TMEM132C: variants seen among roughly 807,000 people sequenced by gnomAD.
TMEM132C encodes the protein transmembrane protein 132C.
In TMEM132C, 29 loss-of-function variants were observed where a neutral mutation model predicts 61.4. The ratio of observed to expected loss-of-function variants is 0.47; its 90% CI spans 0.35 to 0.64. TMEM132C has a LOEUF of 0.64. Among genes scored for constraint, TMEM132C ranks in the 30% least tolerant of loss-of-function variants. The pLI is 0.00. For synonymous variants in TMEM132C, 656 were observed against 633.1 expected (o/e 1.04, Z -0.54); for missense variants, 1,408 against 1,476.9 (o/e 0.95, Z 0.76).
intron 1 of TMEM132C, among the ~76,000 whole-genome samples, chr12:128,322,164 G>A (rs968314073): frequency 2.0e-5 from 3 of 152,216 alleles, no homozygotes; most frequent in Non-Finnish European, 4.4e-5. Flanking sequence ...GCCTCCATCT[G>A]TCTCTCTTGG....
At chr12:128,385,354 TC>T (rs1874543843) in intron 1 of TMEM132C, among the ~76,000 whole-genome samples, 8 of 149,632 alleles carry the variant, frequency 5.3e-5, no homozygotes, top group African/African-American at 2.0e-4. Flanking sequence ...CGCCGAGTCC[TC>T]GCACAGAGCC....
intron 2 of TMEM132C, among the ~76,000 whole-genome samples, chr12:128,447,916 C>T (rs1462348897): frequency 3.1e-5 from 3 of 96,550 alleles, no homozygotes; most frequent in South Asian, 5.6e-4. Context: ...TTAGTAGAGA[C>T]GGGGTTTCAC....
At chr12:128,398,243 G>A (rs572011239) in intron 1 of TMEM132C, among the ~76,000 whole-genome samples, 1 of 152,236 alleles carries the variant, frequency 6.6e-6, no homozygotes, top group Non-Finnish European at 1.5e-5. Context: ...TTCTTTCCAC[G>A]ATGCTAGCTG....
At chr12:128,275,364 T>C (rs2135893557) in intron 1 of TMEM132C, among the ~76,000 whole-genome samples, 1 of 152,278 alleles carries the variant, frequency 6.6e-6, no homozygotes, top group Admixed American at 6.5e-5. Context: ...AATCCTATCA[T>C]GAACTGTGCA....
chr12:128,619,906 G>A (rs374247049), intron 4 of TMEM132C, among the ~76,000 whole-genome samples: 4 of 152,152 alleles, frequency 2.6e-5, no homozygotes, highest in South Asian at 4.1e-4. Flanking sequence ...TTCTGTATGC[G>A]AGTGGCTGGG....
intron 2 of TMEM132C, among the ~76,000 whole-genome samples, chr12:128,445,223 C>G (rs1207389883): frequency 3.3e-5 from 5 of 151,448 alleles, no homozygotes; most frequent in African/African-American, 4.8e-5. Flanking sequence ...AACTTTTTTC[C>G]CTCCAGATTG....
chr12:128,345,871 G>A (rs1593019273), intron 1 of TMEM132C, among the ~76,000 whole-genome samples: 1 of 151,946 alleles, frequency 6.6e-6, no homozygotes, highest in South Asian at 2.1e-4. Flanking sequence ...CTTTTGTTGT[G>A]CAGAAGCTTT....
In TMEM132C at chr12:128,696,016, C is replaced by A; in HGVS notation, c.1842C>A (p.Asp614Glu). The change falls in exon 7 of 9, where the codon GAC (aspartate) becomes GAA (glutamate). Residue 614 changes from aspartate (D) to glutamate (E), a missense_variant. By Grantham distance (45) the Asp-to-Glu change is conservative. Coordinates refer to ENST00000435159, the MANE Select transcript of TMEM132C (RefSeq NM_001136103.3). ...WQFDITHLVA[D>E]FMKLEEPHVA... is the part of the protein sequence containing the mutation. ...TCGACATCACTCACCTGGTGGCAGACTTCATGAAGCTGGAGGAACCTCACG... is the reference window on the plus strand; with the variant it reads ...TCGACATCACTCACCTGGTGGCAGAATTCATGAAGCTGGAGGAACCTCACG... The A allele has an allele frequency of 6.4e-7, 1 of 1,551,780 alleles. No homozygotes were observed. Among genetic ancestry groups the A allele is most frequent in the Non-Finnish European group, 8.7e-7 (1 of 1,147,012 alleles).
At chr12:128,394,915 A>C (rs1377268248) in intron 1 of TMEM132C, among the ~76,000 whole-genome samples, 1 of 132,440 alleles carries the variant, frequency 7.6e-6, no homozygotes, top group Non-Finnish European at 1.5e-5. Flanking sequence ...TCCAAAAAAA[A>C]AAAAAAATCT....
At chr12:128,274,909 C>G (rs1036665975) in intron 1 of TMEM132C, among the ~76,000 whole-genome samples, 1 of 152,148 alleles carries the variant, frequency 6.6e-6, no homozygotes, top group African/African-American at 2.4e-5. Context: ...GGGATGCACA[C>G]AGATTGTGTA....
At chr12:128,413,297 T>TGAAA (rs1868629941) in intron 1 of TMEM132C, among the ~76,000 whole-genome samples, 1 of 2,062 alleles carries the variant, frequency 4.8e-4, no homozygotes, top group Non-Finnish European at 3.1e-3. Context: ...AGACTCTGTC[T>TGAAA]CAAAAAAAAA....
intron 2 of TMEM132C, among the ~76,000 whole-genome samples, chr12:128,489,799 AT>A (rs1871649930): frequency 6.6e-6 from 1 of 151,992 alleles, no homozygotes; most frequent in Non-Finnish European, 1.5e-5. Context: ...CATGTGAAAT[AT>A]TTGTTTCATG....
chr12:128,480,755 G>A (rs571958188), intron 2 of TMEM132C, among the ~76,000 whole-genome samples: 145 of 152,342 alleles, frequency 9.5e-4, no homozygotes, highest in Admixed American at 2.9e-3. Context: ...CCTGGGCCAG[G>A]CTGGTGTGAG....
At chr12:128,574,351 G>A (rs73161904) in intron 3 of TMEM132C, among the ~76,000 whole-genome samples, 14,576 of 152,272 alleles carry the variant, frequency 0.096, 879 homozygotes, top group Middle Eastern at 0.15. Context: ...CTACATGCCG[G>A]GTACTGGCTG....
chr12:128,493,576 C>T (rs7298314), intron 2 of TMEM132C, among the ~76,000 whole-genome samples: 8 of 151,984 alleles, frequency 5.3e-5, no homozygotes, highest in Admixed American at 1.3e-4. Context: ...ATCCCTTATA[C>T]GTTGGATTCC....
chr12:128,480,937 A>T (rs116174950), intron 2 of TMEM132C, among the ~76,000 whole-genome samples: 60 of 152,256 alleles, frequency 3.9e-4, no homozygotes, highest in African/African-American at 1.4e-3. Flanking sequence ...GAGGGTGGGG[A>T]CGGAGCCTAT....
chr12:128,275,169 C>T (rs1192892978), intron 1 of TMEM132C, among the ~76,000 whole-genome samples: 1 of 152,106 alleles, frequency 6.6e-6, no homozygotes, highest in Non-Finnish European at 1.5e-5. Flanking sequence ...GTTCCCCAAC[C>T]CTCTGGTCAT....
At chr12:128,605,738 CT>C (rs879680753) in intron 3 of TMEM132C, among the ~76,000 whole-genome samples, 1 of 152,158 alleles carries the variant, frequency 6.6e-6, no homozygotes, top group Non-Finnish European at 1.5e-5. Flanking sequence ...CCTCATTCCC[CT>C]TTTTATTGCT....
At chr12:128,578,589 T>G (rs1875211144) in intron 3 of TMEM132C, among the ~76,000 whole-genome samples, 1 of 151,916 alleles carries the variant, frequency 6.6e-6, no homozygotes, top group South Asian at 2.1e-4. Context: ...TAAAGAGGTT[T>G]TTGTTGTTGT....
Sources: gnomAD v4.1 joint callset for allele counts (sites outside exome capture counted in the v4.1 genomes callset) on GRCh38, gnomAD v4.1.1 for gene constraint, MANE v1.5 for transcripts, NCBI Gene and HGNC (gene_info 2026-07-23, HGNC 2026-07-21) for gene names.